Variants in RASSF3 observed in about 807,000 individuals in gnomAD.
RASSF3 encodes the protein ras association domain-containing protein 3.
RASSF3 carries 19 observed loss-of-function variants against 19.9 expected under a neutral mutation model. The ratio of observed to expected loss-of-function variants is 0.96; its 90% confidence interval spans 0.67 to 1.40. The LOEUF (loss-of-function observed/expected upper bound fraction) is 1.40, where lower values mean the gene tolerates loss of function less well. Ranked by LOEUF, RASSF3 falls within the 40% of genes most tolerant of loss-of-function variation. The pLI is 0.00. For synonymous variants in RASSF3, 110 were observed against 104.2 expected (o/e 1.06, Z -0.34); for missense variants, 306 against 289.8 (o/e 1.06, Z -0.41).
At chr12:64,544,209 C>T (rs903669675), downstream of RASSF3, among the ~76,000 whole-genome samples, 1 of 152,042 alleles carries the variant, frequency 6.6e-6, no homozygotes, top group Non-Finnish European at 1.5e-5. Flanking sequence ...TCTGCAGCTT[C>T]ACTCGTGAAG....
chr12:64,669,218 T>G (rs899998796), intron 1 of RASSF3, among the ~76,000 whole-genome samples: 2 of 152,186 alleles, frequency 1.3e-5, no homozygotes, highest in Non-Finnish European at 2.9e-5. Flanking sequence ...GTTAGGCACA[T>G]TAGAGGACTC....
At chr12:64,625,976 C>T (rs1370746364) in intron 1 of RASSF3, among the ~76,000 whole-genome samples, 1 of 152,118 alleles carries the variant, frequency 6.6e-6, no homozygotes, top group Non-Finnish European at 1.5e-5. Context: ...AGGCCGGATG[C>T]GCCTTCTGAG....
At chr12:64,663,921 T>A (rs1872460845) in intron 1 of RASSF3, among the ~76,000 whole-genome samples, 1 of 132,516 alleles carries the variant, frequency 7.5e-6, no homozygotes, top group Admixed American at 8.6e-5. Context: ...ATCCCAACAA[T>A]ACATAAACCT....
intron 1 of RASSF3, among the ~76,000 whole-genome samples, chr12:64,673,871 G>A (rs769288675): frequency 3.3e-5 from 5 of 151,868 alleles, no homozygotes; most frequent in African/African-American, 4.8e-5. Context: ...GGGGCACTCA[G>A]AGGAGACTGG....
intron 1 of RASSF3, 90 bp from the exon 2 acceptor site, chr12:64,684,697 C>T (rs1387335526): frequency 7.4e-6 from 6 of 809,444 alleles, no homozygotes; most frequent in East Asian, 5.1e-5. Context: ...TCCCAAAGTG[C>T]TGGGATTACA....
In RASSF3 at chr12:64,610,813, C is replaced by G. The variant is rs374367705; in HGVS notation, c.111+70C>G. The G allele has an allele frequency of 1.2e-4, 116 of 970,940 alleles. No individual in the cohort carries two copies. The East Asian group carries it at 1.9e-3, about 16-fold the overall frequency. The allele number at this position is 970,940 out of a possible 1,614,324, so 60.1% of individuals were successfully genotyped here. A position where few individuals can be genotyped will look rare whatever the true frequency, so the allele number is the denominator to read the frequency against. Reference sequence around the variant, plus strand: ...CGGGGAACCCGCCAGCCCGCGCCCCCTGCCTCCACGTGTCTCTGCGGGGCG... The same window carrying G: ...CGGGGAACCCGCCAGCCCGCGCCCCGTGCCTCCACGTGTCTCTGCGGGGCG... On this transcript the variant is annotated intron_variant, in intron 1 of 4. Transcript: ENST00000542104.
chr12:64,550,912 C>T (rs575248210), intron 2 of RASSF3, among the ~76,000 whole-genome samples: 10 of 151,940 alleles, frequency 6.6e-5, no homozygotes, highest in African/African-American at 1.9e-4. Context: ...CCAATCCTGC[C>T]GGCTCACTGC....
intron 1 of RASSF3, among the ~76,000 whole-genome samples, chr12:64,510,224 G>A (rs982143701): frequency 1.3e-5 from 2 of 152,242 alleles, no homozygotes; most frequent in Admixed American, 6.5e-5. Context: ...TTAACATAGT[G>A]TTTTGTATGT....
chr12:64,517,199 A>C (rs1204385210), intron 1 of RASSF3, among the ~76,000 whole-genome samples: 7 of 152,104 alleles, frequency 4.6e-5, no homozygotes, highest in African/African-American at 1.4e-4. Flanking sequence ...TATAAGGCCT[A>C]TCAGAGAAAT....
intron 3 of RASSF3, among the ~76,000 whole-genome samples, chr12:64,689,364 C>T (rs1873488651): frequency 6.6e-6 from 1 of 152,056 alleles, no homozygotes; most frequent in South Asian, 2.1e-4. Flanking sequence ...GGATGAAACC[C>T]AGCTCATTGC....
chr12:64,681,849 C>T (rs1472861879), intron 1 of RASSF3, among the ~76,000 whole-genome samples: 1 of 152,066 alleles, frequency 6.6e-6, no homozygotes, highest in Non-Finnish European at 1.5e-5. Flanking sequence ...GTCATCTGTA[C>T]AAAAAATTAG....
At chr12:64,552,460 A>G (rs1869181275) in intron 2 of RASSF3, among the ~76,000 whole-genome samples, 2 of 152,124 alleles carry the variant, frequency 1.3e-5, no homozygotes, top group African/African-American at 4.8e-5. Context: ...TGCTGCACCT[A>G]TCAACCCATC....
At position 64,623,084 on chromosome 12, in the gene RASSF3, G is replaced by A. The variant is rs189626522; in HGVS notation, c.111+12341G>A. ...GATCCGCCTGCCTCGGCCTCCCTGA[G>A]TGCTGAGATTATAAGCATGAGCCAC... On this transcript the variant is annotated intron_variant, in intron 1 of 4. Transcript: ENST00000542104. 1.7e-3 allele frequency among the ~76,000 whole-genome samples: 263 copies of A among 152,236 alleles called. 3 individuals carry two copies. Among genetic ancestry groups the A allele is most frequent in the East Asian group, 2.5e-3 (13 of 5,190 alleles).
intron 2 of RASSF3, among the ~76,000 whole-genome samples, chr12:64,604,371 C>G (rs1870148430): frequency 6.6e-6 from 1 of 152,186 alleles, no homozygotes; most frequent in Non-Finnish European, 1.5e-5. Context: ...AGCTATCTGC[C>G]TGCCTCAGCC....
intron 4 of RASSF3, among the ~76,000 whole-genome samples, chr12:64,692,934 T>C (rs931492678): frequency 2.6e-5 from 4 of 152,196 alleles, no homozygotes; most frequent in African/African-American, 9.7e-5. Flanking sequence ...ACTGCTGTAC[T>C]GGACCTCTGT....
intron 2 of RASSF3, among the ~76,000 whole-genome samples, chr12:64,600,627 A>G (rs1047962691): frequency 1.3e-5 from 2 of 152,158 alleles, no homozygotes; most frequent in African/African-American, 4.8e-5. Context: ...TTCACCATAT[A>G]TGCATCATCT....
At chr12:64,603,248 G>A (rs187180414) in intron 2 of RASSF3, among the ~76,000 whole-genome samples, 1 of 152,132 alleles carries the variant, frequency 6.6e-6, no homozygotes, top group Non-Finnish European at 1.5e-5. Context: ...AAGCATTAAT[G>A]TCAAGGGCTT....
At position 64,687,594 on chromosome 12, in the gene RASSF3, A is replaced by T. The variant is rs192432550; in HGVS notation, c.220-622A>T. 4.9e-3 allele frequency among the ~76,000 whole-genome samples: 734 copies of T among 151,136 alleles called. 2 individuals are homozygous for T. The highest frequency in any genetic ancestry group is 0.01 in the African/African-American group (425 of 41,186). On this transcript the variant is annotated intron_variant, in intron 2 of 4. Transcript: ENST00000542104. ...GTTTCAAGCGATTGAATTTTTTTTT[A>T]AAATGCTGCTTAAGAGACCCGAAAT...
intron 1 of RASSF3, among the ~76,000 whole-genome samples, chr12:64,522,101 A>C (rs1258850056): frequency 1.3e-5 from 2 of 152,238 alleles, no homozygotes; most frequent in Non-Finnish European, 1.5e-5. Flanking sequence ...GCATGAAAGC[A>C]GATGCTTTTG....
Sources: allele counts gnomAD v4.1 joint callset (sites outside exome capture counted in the v4.1 genomes callset), GRCh38; gene constraint gnomAD v4.1.1; transcripts MANE v1.5; gene names NCBI Gene and HGNC (gene_info 2026-07-23, HGNC 2026-07-21).